The following NRXN1 variants were observed in gnomAD, a reference collection of about 807,000 sequenced individuals.
NRXN1 encodes the protein neurexin-1.
NRXN1 carries 39 observed loss-of-function variants against 150.9 expected under a neutral mutation model. That is an observed-to-expected ratio of 0.26 (90% CI 0.20 to 0.34). The LOEUF (loss-of-function observed/expected upper bound fraction) is 0.34. NRXN1 is among the 10% of genes least tolerant of loss of function. The pLI is 1.00. For synonymous variants in NRXN1, 924 were observed against 757.0 expected (o/e 1.22, Z -3.62); for missense variants, 1,815 against 1,949.9 (o/e 0.93, Z 1.30).
At chr2:51,000,681 T>A (rs1443624228) in intron 2 of NRXN1, among the ~76,000 whole-genome samples, 1 of 151,880 alleles carries the variant, frequency 6.6e-6, no homozygotes, top group Non-Finnish European at 1.5e-5. Context: ...GAGACAGATG[T>A]TTTGATTTTT....
Position 50,979,001 on chromosome 2 carries a change from G to A in NRXN1, c.772+48501C>T, listed in dbSNP as rs547190397. On this transcript the variant is annotated intron_variant, in intron 2 of 22. Transcript: ENST00000401669. ...TTATTTTTCTTGCATAAAATACATA[G>A]AATTACATAGGAAAAATAATTTCAG... is the stretch of plus-strand genomic sequence containing the variant. Among the ~76,000 whole-genome samples, 174 of 152,124 alleles carry A rather than the reference G, an allele frequency of 1.1e-3. 1 individual carries two copies. Among genetic ancestry groups the A allele is most frequent in the African/African-American group, 3.8e-3 (159 of 41,548 alleles).
intron 18 of NRXN1, among the ~76,000 whole-genome samples, chr2:50,095,456 G>C (rs1337965165): frequency 6.6e-6 from 1 of 152,042 alleles, no homozygotes; most frequent in Non-Finnish European, 1.5e-5. Context: ...AATTCTTGCA[G>C]TTTCCTACTT....
chr2:50,225,123 G>C (rs1216909332), intron 18 of NRXN1, among the ~76,000 whole-genome samples: 2 of 151,906 alleles, frequency 1.3e-5, no homozygotes, highest in African/African-American at 2.4e-5. Flanking sequence ...GTTGTAAATG[G>C]GAAGTCCCAG....
At chr2:50,924,638 T>C (rs985783791) in intron 3 of NRXN1, among the ~76,000 whole-genome samples, 25 of 151,734 alleles carry the variant, frequency 1.6e-4, no homozygotes, top group African/African-American at 6.0e-4. Context: ...ATCAAGTATA[T>C]ACTCACATGC....
chr2:50,981,443 T>A (rs552333950), intron 2 of NRXN1, among the ~76,000 whole-genome samples: 3 of 58,556 alleles, frequency 5.1e-5, no homozygotes, highest in Admixed American at 2.8e-4. Context: ...GGGTGACAGA[T>A]AGAAACTCTA....
intron 5 of NRXN1, among the ~76,000 whole-genome samples, chr2:50,694,455 A>G (rs749836402): frequency 1.3e-5 from 2 of 152,162 alleles, no homozygotes; most frequent in Non-Finnish European, 2.9e-5. Context: ...TAAATAATAA[A>G]ACTCCTTGGA....
chr2:50,226,669 A>G lies in NRXN1; in HGVS notation c.3546+10120T>C, dbSNP rs74474125. Reference sequence around the variant, plus strand: ...TCCAGCTAAGGAAGTTGGCCTTTGAAGTATTTGCAGTAGACCACTGGTTCT... The same window carrying G: ...TCCAGCTAAGGAAGTTGGCCTTTGAGGTATTTGCAGTAGACCACTGGTTCT... On this transcript the variant is annotated intron_variant, in intron 18 of 22. Transcript: ENST00000401669. 2.5e-3 allele frequency among the ~76,000 whole-genome samples: 375 copies of G among 152,116 alleles called. 1 individual carries two copies. Among genetic ancestry groups the G allele is most frequent in the African/African-American group, 8.7e-3 (361 of 41,554 alleles).
In NRXN1 at chr2:50,698,922, C is replaced by G. The variant is rs1359085669; in HGVS notation, c.833-75307G>C. ...AAGTAGTCTTTTCCATGAAATTTGA[C>G]TCATAGCTCTACCACAAAAAGTTCT... On this transcript the variant is annotated intron_variant, in intron 5 of 22. Coordinates refer to ENST00000401669, the MANE Select transcript of NRXN1 (RefSeq NM_001330078.2). Among the ~76,000 whole-genome samples, 3 of 152,184 alleles carry G rather than the reference C, an allele frequency of 2.0e-5. 1 individual carries two copies. The highest frequency in any genetic ancestry group is 2.0e-4 in the Admixed American group (3 of 15,276).
rs147235381 is a variant in NRXN1 at position 50,774,828 on chromosome 2, T to C, written c.832+147041A>G. On this transcript the variant is annotated intron_variant, in intron 5 of 22. Transcript: ENST00000401669. ...ACCATTTATGAAATGCTTGTTATGA[T>C]AAAAATTATTATACCACATATACAT... Among the ~76,000 whole-genome samples the C allele has an allele frequency of 3.3e-5, 5 of 152,254 alleles. No homozygotes were observed. The East Asian group carries it at 9.7e-4, about 29-fold the overall frequency.
intron 5 of NRXN1, among the ~76,000 whole-genome samples, chr2:50,750,263 A>AT (rs1041090542): frequency 4.3e-4 from 66 of 151,926 alleles, no homozygotes; most frequent in African/African-American, 1.5e-3. Flanking sequence ...ACCTGTAGTC[A>AT]TTTTTTTCAT....
intron 19 of NRXN1, among the ~76,000 whole-genome samples, chr2:50,074,749 A>G (rs1298094485): frequency 6.6e-6 from 1 of 152,194 alleles, no homozygotes; most frequent in African/African-American, 2.4e-5. Flanking sequence ...GAAGTACATT[A>G]TCTTATAAAA....
At position 49,993,153 on chromosome 2, in the gene NRXN1, C is replaced by A. The variant is rs551746416; in HGVS notation, c.4129-49362G>T. ...ATTTATAATTGCCAAAACTTGGAAC[C>A]AACCAAGGTATTCTTCGGTAAGTAA... On this transcript the variant is annotated intron_variant, in intron 21 of 22. Transcript: ENST00000401669. Among the ~76,000 whole-genome samples the A allele has an allele frequency of 2.0e-5, 3 of 152,188 alleles. No individual in the cohort carries two copies. The East Asian group carries it at 5.8e-4, about 29-fold the overall frequency.
intron 5 of NRXN1, among the ~76,000 whole-genome samples, chr2:50,759,229 T>C (rs767842481): frequency 6.6e-6 from 1 of 151,916 alleles, no homozygotes; most frequent in Non-Finnish European, 1.5e-5. Flanking sequence ...ATACATCAAT[T>C]CTTTTTTGTT....
At position 50,658,787 on chromosome 2, in the gene NRXN1, A is replaced by C. The variant is rs558413213; in HGVS notation, c.833-35172T>G. 7.9e-5 allele frequency among the ~76,000 whole-genome samples: 12 copies of C among 152,104 alleles called. No individual in the cohort carries two copies. In the East Asian group the frequency reaches 2.3e-3, roughly 30 times the overall value. On this transcript the variant is annotated intron_variant, in intron 5 of 22. Coordinates refer to ENST00000401669, the MANE Select transcript of NRXN1 (RefSeq NM_001330078.2). ...TACACTAGTAAAGGTGCTTCCTTTT[A>C]TCCCTCCAGATCCATATGTAGCCCA... is the stretch of plus-strand genomic sequence containing the variant.
At chr2:50,792,007 G>A (rs1430154875) in intron 5 of NRXN1, among the ~76,000 whole-genome samples, 2 of 152,040 alleles carry the variant, frequency 1.3e-5, no homozygotes, top group Non-Finnish European at 2.9e-5. Flanking sequence ...TAGTTAAGCA[G>A]GAGTGCAGAA....
chr2:50,834,853 C>T (rs1176790288), intron 5 of NRXN1, among the ~76,000 whole-genome samples: 5 of 152,042 alleles, frequency 3.3e-5, no homozygotes, highest in African/African-American at 9.7e-5. Context: ...CCTTAGTGCA[C>T]GCCTTTAGAA....
intron 5 of NRXN1, among the ~76,000 whole-genome samples, chr2:50,643,640 AT>A (rs1684376432): frequency 1.3e-5 from 2 of 152,024 alleles, no homozygotes; most frequent in Admixed American, 1.3e-4. Context: ...AGTTCTTCCG[AT>A]ACTGTTAAGT....
At chr2:49,923,353 C>G (rs1668550337) in intron 22 of NRXN1, among the ~76,000 whole-genome samples, 1 of 152,172 alleles carries the variant, frequency 6.6e-6, no homozygotes, top group South Asian at 2.1e-4. Context: ...TTCCCTGAAT[C>G]TCTATCCTCT....
At chr2:50,431,188 G>C (rs2084935098) in intron 17 of NRXN1, among the ~76,000 whole-genome samples, 1 of 151,938 alleles carries the variant, frequency 6.6e-6, no homozygotes, top group Admixed American at 6.6e-5. Context: ...CTACCCACTG[G>C]CTTCTCCACT....
Sources: allele counts gnomAD v4.1 joint callset (sites outside exome capture counted in the v4.1 genomes callset), GRCh38; gene constraint gnomAD v4.1.1; transcripts MANE v1.5; gene names NCBI Gene and HGNC (gene_info 2026-07-23, HGNC 2026-07-21).